Variants in PRKN observed in about 807,000 individuals in gnomAD.
PRKN encodes the protein E3 ubiquitin-protein ligase parkin.
In PRKN, 56 loss-of-function variants were observed where a neutral mutation model predicts 59.5. That is an observed-to-expected ratio of 0.94 (90% CI 0.76 to 1.18). The LOEUF is 1.18. Ranked by LOEUF, PRKN falls within the 50% of genes most tolerant of loss-of-function variation. PRKN has a pLI of 0.00. For missense variants in PRKN, 657 were observed against 596.4 expected, an observed-to-expected ratio of 1.10 and a Z score of -1.06; for synonymous variants, 250 against 222.1, an observed-to-expected ratio of 1.13 and a Z score of -1.12.
intron 6 of PRKN, among the ~76,000 whole-genome samples, chr6:161,947,065 T>C (rs1779809927): frequency 6.6e-6 from 1 of 152,196 alleles, no homozygotes; most frequent in African/African-American, 2.4e-5. Context: ...TGAGTACATA[T>C]GTTGATGTCT....
rs398003250 is a variant in PRKN, at chr6:162,647,949, C to CAAAAAAAAAAAAAAA, written c.7+79698_7+79712dup. Among the ~76,000 whole-genome samples, 24 of 75,650 alleles carry CAAAAAAAAAAAAAAA rather than the reference C, an allele frequency of 3.2e-4. 7 individuals carry two copies. The highest frequency in any genetic ancestry group is 4.3e-4 in the Non-Finnish European group (18 of 42,122). 49.6% of individuals were successfully genotyped at this position (75,650 alleles called of 152,430 possible). On this transcript the variant is annotated intron_variant, in intron 1 of 11. Transcript: ENST00000366898. The stretch of plus-strand genomic sequence containing the variant: ...GAACCATCTCTATATGTCCACAGTG[C>CAAAAAAAAAAAAAAA]AAAAAAAAAAAAAAAAAAAAAAAAA...
intron 7 of PRKN, among the ~76,000 whole-genome samples, chr6:161,605,847 T>C (rs1157718623): frequency 6.6e-6 from 1 of 152,028 alleles, no homozygotes; most frequent in Non-Finnish European, 1.5e-5. Context: ...AAGCAGAAAT[T>C]ACAACCCTCT....
intron 1 of PRKN, among the ~76,000 whole-genome samples, chr6:162,683,113 A>G (rs1437168674): frequency 6.6e-6 from 1 of 152,176 alleles, no homozygotes; most frequent in Middle Eastern, 3.2e-3. Flanking sequence ...AACAGCTGCT[A>G]TTTTTAATAA....
intron 2 of PRKN, among the ~76,000 whole-genome samples, chr6:162,330,874 C>T (rs984305633): frequency 5.3e-5 from 8 of 152,112 alleles, no homozygotes; most frequent in African/African-American, 7.2e-5. Context: ...GTTGTGGAGG[C>T]ATTCAACAGC....
intron 1 of PRKN, among the ~76,000 whole-genome samples, chr6:162,667,051 A>G (rs985905228): frequency 2.0e-5 from 3 of 152,128 alleles, no homozygotes; most frequent in African/African-American, 7.2e-5. Flanking sequence ...AATCAAGTAC[A>G]ATAAAGAAAA....
At chr6:162,713,565 T>C (rs1778620437) in intron 1 of PRKN, among the ~76,000 whole-genome samples, 1 of 151,376 alleles carries the variant, frequency 6.6e-6, no homozygotes, top group African/African-American at 2.4e-5. Context: ...GTATGCCAGA[T>C]TCAGGGAATA....
In PRKN at chr6:162,513,851, C is replaced by T. The variant is rs557683153; in HGVS notation, c.8-70378G>A. Among the ~76,000 whole-genome samples, 26 of 151,938 alleles carry T rather than the reference C, an allele frequency of 1.7e-4. No homozygotes were observed. The South Asian group carries it at 3.9e-3, about 23-fold the overall frequency. ...GGTGGACCACTTGAAGTCAGGAGCTCGAGACCAGCCTGGCTAACATGGTGA... is the reference window on the plus strand; with the variant it reads ...GGTGGACCACTTGAAGTCAGGAGCTTGAGACCAGCCTGGCTAACATGGTGA... On this transcript the variant is annotated intron_variant, in intron 1 of 11. Transcript: ENST00000366898.
chr6:162,075,834 G>A (rs1778800388), intron 4 of PRKN, among the ~76,000 whole-genome samples: 1 of 151,986 alleles, frequency 6.6e-6, no homozygotes, highest in South Asian at 2.1e-4. Context: ...GAGAGCTAAT[G>A]ATGCTACCAT....
chr6:161,874,887 A>C (rs1226515167), intron 6 of PRKN, among the ~76,000 whole-genome samples: 1 of 109,450 alleles, frequency 9.1e-6, no homozygotes, highest in African/African-American at 4.1e-5. Context: ...AAAATATATA[A>C]TATATAATAT....
chr6:162,054,084 T>A lies in PRKN; in HGVS notation c.618+7A>T, dbSNP rs1582961958. The A allele has an allele frequency of 6.4e-7, 1 of 1,559,312 alleles. No individual in the cohort carries two copies. Among genetic ancestry groups the A allele is most frequent in the Non-Finnish European group, 8.8e-7 (1 of 1,129,990 alleles). On this transcript the variant is annotated splice_region_variant and intron_variant, in intron 5 of 11. Coordinates refer to ENST00000366898, the MANE Select transcript of PRKN (RefSeq NM_004562.3). The stretch of plus-strand genomic sequence containing the variant: ...AATAAGAGGAATGAATGTGACCAGG[T>A]ACTTACTGCACTAGTCCCAGGGCAG...
At chr6:161,717,037 C>T (rs1259437283) in intron 7 of PRKN, among the ~76,000 whole-genome samples, 2 of 152,120 alleles carry the variant, frequency 1.3e-5, no homozygotes, top group African/African-American at 4.8e-5. Context: ...CTGGGCTGGC[C>T]AACACCCAGC....
At position 161,567,037 on chromosome 6, in the gene PRKN, T is replaced by TTTGTGTGTG. The variant is rs548743646; in HGVS notation, c.933+2317_933+2318insCACACACAA. Among the ~76,000 whole-genome samples the TTTGTGTGTG allele has an allele frequency of 2.3e-3, 237 of 103,778 alleles. 1 individual carries two copies. Among genetic ancestry groups the TTTGTGTGTG allele is most frequent in the East Asian group, 8.5e-3 (23 of 2,712 alleles). The allele number at this position is 103,778 out of a possible 152,430, so 68.1% of individuals were successfully genotyped here. On this transcript the variant is annotated intron_variant, in intron 8 of 11. Coordinates refer to ENST00000366898, the MANE Select transcript of PRKN (RefSeq NM_004562.3). Reference sequence around the variant, plus strand: ...CACTGTCCTTGTTTTTTTTTTTTTTTTGTGTGTGTGTGTGTGTGTGTGAGA... The same window carrying TTTGTGTGTG: ...CACTGTCCTTGTTTTTTTTTTTTTTTTTGTGTGTGTGTGTGTGTGTGTGTGTGTGTGAGA...
intron 6 of PRKN, among the ~76,000 whole-genome samples, chr6:161,846,704 T>C (rs1407739280): frequency 2.6e-5 from 4 of 152,084 alleles, no homozygotes; most frequent in Non-Finnish European, 5.9e-5. Flanking sequence ...ACTCGGGTCT[T>C]GTGTCTCCAG....
In PRKN at chr6:162,612,432, G is replaced by A. The variant is rs182334005; in HGVS notation, c.7+115230C>T. 1.1e-3 allele frequency among the ~76,000 whole-genome samples: 164 copies of A among 151,664 alleles called. 1 individual carries two copies. Among genetic ancestry groups the A allele is most frequent in the Middle Eastern group, 6.8e-3 (2 of 294 alleles). The stretch of plus-strand genomic sequence containing the variant: ...ACACTGGGGAAAATAGCTTTCTAGC[G>A]CAGTGGAAACCAGGGGCAGAGACAT... On this transcript the variant is annotated intron_variant, in intron 1 of 11. Transcript: ENST00000366898.
intron 4 of PRKN, among the ~76,000 whole-genome samples, chr6:162,185,570 C>T (rs2128324506): frequency 6.6e-6 from 1 of 152,214 alleles, no homozygotes; most frequent in African/African-American, 2.4e-5. Flanking sequence ...AAATCTTTTT[C>T]CCTCCAGGAA....
At chr6:162,217,523 T>G (rs1401163153) in intron 3 of PRKN, among the ~76,000 whole-genome samples, 1 of 152,128 alleles carries the variant, frequency 6.6e-6, no homozygotes, top group Admixed American at 6.6e-5. Context: ...TAGCTGGGAT[T>G]ACAGGCGTGT....
chr6:162,033,588 T>A (rs1212201447), intron 5 of PRKN, among the ~76,000 whole-genome samples: 1 of 152,204 alleles, frequency 6.6e-6, no homozygotes, highest in Non-Finnish European at 1.5e-5. Context: ...GGGAATTTGG[T>A]CAATATCTCT....
At chr6:161,832,194 G>A (rs1012859105) in intron 6 of PRKN, among the ~76,000 whole-genome samples, 2 of 152,200 alleles carry the variant, frequency 1.3e-5, no homozygotes, top group African/African-American at 4.8e-5. Context: ...GTATATTAGG[G>A]ATGCCTGATG....
chr6:161,660,792 C>T (rs926587323), intron 7 of PRKN, among the ~76,000 whole-genome samples: 9 of 152,272 alleles, frequency 5.9e-5, no homozygotes, highest in African/African-American at 2.2e-4. Context: ...CTTTAAAGAC[C>T]ACCTATTTGA....
Sources: gnomAD v4.1 joint callset for allele counts (sites outside exome capture counted in the v4.1 genomes callset) on GRCh38, gnomAD v4.1.1 for gene constraint, MANE v1.5 for transcripts, NCBI Gene and HGNC (gene_info 2026-07-23, HGNC 2026-07-21) for gene names.